BLK: variants seen among roughly 807,000 people sequenced by gnomAD.
BLK encodes the protein tyrosine-protein kinase Blk.
In BLK, 64 loss-of-function variants were observed where a neutral mutation model predicts 61.8. The ratio of observed to expected loss-of-function variants is 1.03; its 90% CI spans 0.85 to 1.27. BLK has a LOEUF of 1.27. Ranked by LOEUF, BLK falls within the 50% of genes most tolerant of loss-of-function variation. BLK has a pLI of 0.00. For missense variants in BLK, 853 were observed against 660.5 expected (o/e 1.29, Z -3.19); for synonymous variants, 351 against 272.0 (o/e 1.29, Z -2.86).
intron 1 of BLK, among the ~76,000 whole-genome samples, chr8:11,505,957 G>T (rs369955685): frequency 6.6e-6 from 1 of 152,166 alleles, no homozygotes; most frequent in Non-Finnish European, 1.5e-5. Flanking sequence ...CCCTGCCTCC[G>T]ATAAGACCTC....
chr8:11,499,028 G>C (rs796119457), intron 1 of BLK, among the ~76,000 whole-genome samples: 41 of 152,310 alleles, frequency 2.7e-4, no homozygotes, highest in African/African-American at 9.1e-4. Context: ...TTTCTCAAAA[G>C]AGAAAGTAAA....
chr8:11,511,963 G>C (rs1481046155), intron 1 of BLK, among the ~76,000 whole-genome samples: 2 of 152,148 alleles, frequency 1.3e-5, no homozygotes, highest in Non-Finnish European at 1.5e-5. Context: ...TCTTACGTTT[G>C]GGTTTTCTGT....
intron 1 of BLK, among the ~76,000 whole-genome samples, chr8:11,500,702 G>A (rs1798523956): frequency 6.7e-6 from 1 of 149,764 alleles, no homozygotes; most frequent in Non-Finnish European, 1.5e-5. Flanking sequence ...TTGTAGAGAT[G>A]GGTTTTTACC....
chr8:11,542,478 G>A (rs911383681), intron 1 of BLK, among the ~76,000 whole-genome samples: 2 of 152,168 alleles, frequency 1.3e-5, no homozygotes, highest in African/African-American at 4.8e-5. Context: ...TGGCTCTCAC[G>A]GGCCAGTTGT....
At chr8:11,500,824 G>T (rs539748859) in intron 1 of BLK, among the ~76,000 whole-genome samples, 14 of 152,238 alleles carry the variant, frequency 9.2e-5, no homozygotes, top group African/African-American at 3.4e-4. Context: ...TACCTTTTAT[G>T]TTAAAGTTTA....
chr8:11,549,164 ACTGTTTCTGCTCCCTGGG>A (rs1389211395), intron 5 of BLK, 42 bp downstream of exon 5: 2 of 1,529,218 alleles, frequency 1.3e-6, no homozygotes, highest in Non-Finnish European at 1.8e-6. Flanking sequence ...AGATGCAGTC[ACTGTTTCTGCTCCCTGGG>A]CTGTTAGGCA....
intron 1 of BLK, among the ~76,000 whole-genome samples, chr8:11,527,927 C>T (rs1799728319): frequency 1.3e-5 from 2 of 152,110 alleles, no homozygotes; most frequent in South Asian, 4.1e-4. Context: ...TACATTTTAG[C>T]AGAATTCAGG....
chr8:11,537,623 A>T (rs1800186737), intron 1 of BLK, among the ~76,000 whole-genome samples: 1 of 152,214 alleles, frequency 6.6e-6, no homozygotes, highest in South Asian at 2.1e-4. Context: ...AACACCCTCC[A>T]GCTGCCAGCT....
Position 11,554,864 on chromosome 8 carries a change from C to T in BLK, c.594C>T (p.Leu198=). ...CCCCCCGGATCACCTTCCCCTCGCTCCAGGCCCTGGTGCAGCACTATTCTA... is the reference window on the plus strand; with the variant it reads ...CCCCCCGGATCACCTTCCCCTCGCTTCAGGCCCTGGTGCAGCACTATTCTA... The part of the protein sequence containing the change: ...YISPRITFPS[L]QALVQHYSKK... Residue 198 remains leucine, a synonymous_variant, in exon 7 of 13, where the codon CTC becomes CTT. Transcript: ENST00000259089. 1 of 1,613,796 alleles carries T rather than the reference C, an allele frequency of 6.2e-7. No homozygotes were observed. Among genetic ancestry groups the T allele is most frequent in the African/African-American group, 1.3e-5 (1 of 75,012 alleles).
intron 1 of BLK, among the ~76,000 whole-genome samples, chr8:11,526,974 T>C (rs1799680618): frequency 6.6e-6 from 1 of 152,224 alleles, no homozygotes; most frequent in Non-Finnish European, 1.5e-5. Flanking sequence ...TCTTTCGTTT[T>C]CTTTTATGTG....
rs112254800 is a variant in BLK, at chr8:11,561,169, T to C, written c.1030-133T>C. 27,863 of 1,294,466 alleles carry C rather than the reference T, an allele frequency of 0.022. 1,435 individuals are homozygous for C. The highest frequency in any genetic ancestry group is 0.19 in the African/African-American group (12,648 of 67,980). The allele number at this position is 1,294,466 out of a possible 1,614,324, so 80.2% of individuals were successfully genotyped here. ...TTTATTCGGCTGAGGAGCAACACAG[T>C]CACCTTTCTACTCCATCCAAGAAAC... On this transcript the variant is annotated intron_variant, in intron 10 of 12. Transcript: ENST00000259089.
At chr8:11,559,339 G>A (rs897514689) in intron 10 of BLK, among the ~76,000 whole-genome samples, 2 of 146,156 alleles carry the variant, frequency 1.4e-5, no homozygotes, top group Non-Finnish European at 3.0e-5. Flanking sequence ...ACACACACAC[G>A]GACAAACACA....
intron 4 of BLK, among the ~76,000 whole-genome samples, chr8:11,548,791 T>C (rs991268229): frequency 5.3e-5 from 8 of 152,256 alleles, no homozygotes; most frequent in African/African-American, 1.7e-4. Flanking sequence ...GCTGGATCCT[T>C]GTGCCCTCTT....
intron 1 of BLK, among the ~76,000 whole-genome samples, chr8:11,539,191 AAT>A (rs1421541038): frequency 6.6e-6 from 1 of 151,868 alleles, no homozygotes; most frequent in African/African-American, 2.4e-5. Context: ...CTTTCTGTGT[AAT>A]ATGCAAACAT....
chr8:11,508,172 C>T (rs182522526), intron 1 of BLK, among the ~76,000 whole-genome samples: 211 of 152,358 alleles, frequency 1.4e-3, no homozygotes, highest in African/African-American at 4.8e-3. Context: ...GCTCTGAACC[C>T]TCCATCTGTC....
chr8:11,547,151 C>A (rs1295265695), intron 3 of BLK, among the ~76,000 whole-genome samples: 1 of 152,244 alleles, frequency 6.6e-6, no homozygotes, highest in Non-Finnish European at 1.5e-5. Context: ...GAAGGGGTGA[C>A]AACAGGTAGA....
intron 8 of BLK, chr8:11,556,439 C>A: frequency 1.6e-6 from 1 of 608,426 alleles, no homozygotes; most frequent in Non-Finnish European, 2.9e-6. Flanking sequence ...TGAAATGCCC[C>A]CCAGGCAGGG....
intron 10 of BLK, chr8:11,560,214 GATGCATGCATGGATGGATGA>G (rs1801438067): frequency 3.3e-5 from 4 of 120,718 alleles, no homozygotes; most frequent in African/African-American, 9.5e-5. Context: ...TGGATGGATG[GATGCATGCATGGATGGATGA>G]ATGGGTGGAT....
chr8:11,555,304 C>G, intron 7 of BLK, 28 bp from the exon 8 acceptor site: 1 of 1,613,640 alleles, frequency 6.2e-7, no homozygotes, highest in Non-Finnish European at 8.5e-7. Context: ...TGGTAACCCC[C>G]AGCCCTGTCT....
Sources: gnomAD v4.1 joint callset for allele counts (sites outside exome capture counted in the v4.1 genomes callset) on GRCh38, gnomAD v4.1.1 for gene constraint, MANE v1.5 for transcripts, NCBI Gene and HGNC (gene_info 2026-07-23, HGNC 2026-07-21) for gene names.